The following TTC21A variants were observed in gnomAD, a reference collection of about 807,000 sequenced individuals.
TTC21A encodes tetratricopeptide repeat protein 21A.
TTC21A carries 128 observed loss-of-function variants against 156.4 expected under a neutral mutation model. That is an observed-to-expected ratio of 0.82 (90% CI 0.71 to 0.95). The LOEUF (loss-of-function observed/expected upper bound fraction) is 0.95, where lower values mean the gene tolerates loss of function less well. Among genes scored for constraint, TTC21A ranks in the 40% least tolerant of loss-of-function variants. The pLI, the probability that TTC21A is intolerant of heterozygous loss-of-function variation, is 0.00. For synonymous variants in TTC21A, 587 were observed against 617.1 expected, an observed-to-expected ratio of 0.95 and a Z score of 0.72; for missense variants, 1,435 against 1,602.3, an observed-to-expected ratio of 0.90 and a Z score of 1.78.
chr3:39,122,034 C>T lies in TTC21A; in HGVS notation c.1093+845C>T, dbSNP rs531017969. On this transcript the variant is annotated intron_variant, in intron 9 of 28. Transcript: ENST00000683103. The stretch of plus-strand genomic sequence containing the variant: ...TATCTTTAAAAGGTAATGAGCCAGG[C>T]GTGATGGCTCACGCCTGTAATCCCA... Among the ~76,000 whole-genome samples, 9 of 152,292 alleles carry T rather than the reference C, an allele frequency of 5.9e-5. No homozygotes were observed. The East Asian group carries it at 7.7e-4, about 13-fold the overall frequency.
Position 39,130,890 on chromosome 3 carries a change from C to T in TTC21A, c.2458+51C>T. 1 of 1,610,344 alleles carries T rather than the reference C, an allele frequency of 6.2e-7. No individual in the cohort carries two copies. Among genetic ancestry groups the T allele is most frequent in the Non-Finnish European group, 8.5e-7 (1 of 1,177,188 alleles). ...TAGCATTTGGAGCAGACATACTCCT[C>T]CCCCATTCCCCATTAGCTGAAGTCC... On this transcript the variant is annotated intron_variant, in intron 18 of 28. Transcript: ENST00000683103. This position sits in a 1 kb window ranked among gnomAD's most constrained non-coding sequence, Gnocchi z 4.5.
Position 39,137,672 on chromosome 3 carries a change from G to A in TTC21A, c.3637G>A (p.Ala1213Thr), listed in dbSNP as rs763379418. 33 of 1,613,756 alleles carry A rather than the reference G, an allele frequency of 2.0e-5. No individual in the cohort carries two copies. The Admixed American group carries it at 3.2e-4, about 15-fold the overall frequency. ...IYCQGSKFDL[A>T]LELLRRCVQY... ...CTGCCAGGGCAGCAAGTTCGACCTC[G>A]CCTTAGAACTGCTGCGGCGCTGTGT... is the stretch of plus-strand genomic sequence containing the variant. The change falls in exon 26 of 29, where the codon GCC becomes ACC. Residue 1213 changes from alanine (A) to threonine (T), a missense_variant. By Grantham distance (58) the Ala-to-Thr change is moderately conservative (BLOSUM62 0). Coordinates refer to ENST00000683103, the MANE Select transcript of TTC21A (RefSeq NM_001366900.1).
rs370552590 is a variant in TTC21A, at chr3:39,129,164, C to T, written c.1989C>T (p.Val663=). The T allele has an allele frequency of 4.3e-6, 7 of 1,614,092 alleles. No individual in the cohort carries two copies. The highest frequency in any genetic ancestry group is 5.1e-6 in the Non-Finnish European group (6 of 1,180,054). The change falls in exon 15 of 29, where the codon GTC becomes GTT. Residue 663 remains valine, a synonymous_variant. Transcript: ENST00000683103. ...TCACCATTGCCAACGTGGACTTGGT[C>T]CTGAGCAAGGGCAATGTGGACGTGG... ...NRITIANVDL[V]LSKGNVDVAL... is the part of the protein sequence containing the mutation.
At chr3:39,133,970 A>T (rs1046505647) in intron 20 of TTC21A, among the ~76,000 whole-genome samples, 1 of 152,228 alleles carries the variant, frequency 6.6e-6, no homozygotes, top group African/African-American at 2.4e-5. Context: ...CAGTGAGGCC[A>T]GAGGTGAAGC....
intron 9 of TTC21A, 50 bp downstream of exon 9, chr3:39,121,239 G>C: frequency 6.5e-7 from 1 of 1,543,058 alleles, no homozygotes; most frequent in African/African-American, 1.4e-5. Context: ...GAGCCAAACC[G>C]GGCAGCTTCC....
rs201441559 is a variant in TTC21A at position 39,135,080 on chromosome 3, T to C, written c.2863-13T>C. 8.1e-6 allele frequency: 13 copies of C among 1,613,260 alleles called. No homozygotes were observed. The highest frequency in any genetic ancestry group is 1.0e-5 in the Non-Finnish European group (12 of 1,179,498). ...CTGTTGGGAAATCTGGAGCTTTGTG[T>C]GTTTTCTGATAGTTGATGGCTGACC... On this transcript the variant is annotated splice_polypyrimidine_tract_variant and intron_variant, in intron 21 of 28. Transcript: ENST00000683103.
intron 6 of TTC21A, among the ~76,000 whole-genome samples, chr3:39,115,752 C>G (rs12330189): frequency 6.6e-6 from 1 of 152,116 alleles, no homozygotes; most frequent in Non-Finnish European, 1.5e-5. Context: ...GTCATCTTCA[C>G]TTTTTTCCCA....
rs746323564 is a variant in TTC21A at position 39,114,752 on chromosome 3, TGCACAAA to T, written c.716+11_716+17del. 5.6e-6 allele frequency: 9 copies of T among 1,614,126 alleles called. No homozygotes were observed. The Admixed American group carries it at 1.5e-4, about 27-fold the overall frequency. On this transcript the variant is annotated intron_variant, in intron 6 of 28. Transcript: ENST00000683103. ...TAGAAATGGGACACAGGTGAGCTAC[TGCACAAA>T]TGGGCAGCCAAGGGTGGTAACAGGT... is the stretch of plus-strand genomic sequence containing the variant.
chr3:39,109,894 G>A, intron 2 of TTC21A, 135 bp from the exon 3 acceptor site: 2 of 634,182 alleles, frequency 3.2e-6, no homozygotes, highest in Non-Finnish European at 5.6e-6. Flanking sequence ...AATCTTCAGG[G>A]AACTTGGGTC....
At chr3:39,111,782 A>T (rs1204320587) in intron 4 of TTC21A, among the ~76,000 whole-genome samples, 1 of 152,194 alleles carries the variant, frequency 6.6e-6, no homozygotes, top group Non-Finnish European at 1.5e-5. Flanking sequence ...ATCTAAAGAG[A>T]CTCCTTAGGA....
At chr3:39,113,896 C>T (rs573360835) in intron 5 of TTC21A, among the ~76,000 whole-genome samples, 3 of 152,186 alleles carry the variant, frequency 2.0e-5, no homozygotes, top group African/African-American at 7.2e-5. Context: ...ACGGAATAAT[C>T]CTCTTGTTTT....
Position 39,128,417 on chromosome 3 carries a change from A to C in TTC21A, c.1609A>C (p.Ile537Leu), listed in dbSNP as rs771102216. ...GGATGCCCATCTCCTCATGTGTCAG[A>C]TCTACTTGGCTCAGGGCAACTTTGG... ...SVDAHLLMCQ[I>L]YLAQGNFGMC... The change falls in exon 13 of 29, where the codon ATC becomes CTC. Residue 537 changes from isoleucine to leucine, a missense_variant. Coordinates refer to ENST00000683103, the MANE Select transcript of TTC21A (RefSeq NM_001366900.1). The C allele has an allele frequency of 8.4e-5, 135 of 1,614,044 alleles. No homozygotes were observed. The highest frequency in any genetic ancestry group is 1.1e-4 in the Non-Finnish European group (133 of 1,180,044).
At position 39,110,894 on chromosome 3, in the gene TTC21A, AC is replaced by A; in HGVS notation, c.313del (p.Arg105AlafsTer19). ...QELEYSLKEI[R>X]KTVSGTALYY... ...AGCTTGAGTACAGCCTGAAGGAAAT[AC>A]GCAAGACAGTCAGTGGGACTGCACT... is the stretch of plus-strand genomic sequence containing the variant. On this transcript the variant is annotated frameshift_variant, in exon 4 of 29. Transcript: ENST00000683103. LOFTEE classifies it high-confidence loss of function. 2.5e-6 allele frequency: 4 copies of A among 1,614,050 alleles called. No homozygotes were observed. Among genetic ancestry groups the A allele is most frequent in the Non-Finnish European group, 3.4e-6 (4 of 1,180,024 alleles).
chr3:39,127,690 C>A (rs1209802442), intron 12 of TTC21A, among the ~76,000 whole-genome samples: 1 of 152,190 alleles, frequency 6.6e-6, no homozygotes, highest in Non-Finnish European at 1.5e-5. Flanking sequence ...CTGCTGCTAC[C>A]ACCCTGAAAG....
Position 39,109,901 on chromosome 3 carries a change from G to T in TTC21A, c.158-128G>T, listed in dbSNP as rs2036660772. On this transcript the variant is annotated intron_variant, in intron 2 of 28. Coordinates refer to ENST00000683103, the MANE Select transcript of TTC21A (RefSeq NM_001366900.1). ...AGAGCCCCAATCTTCAGGGAACTTG[G>T]GTCACTGGGGACCTTTCAGACCAGT... The T allele has an allele frequency of 1.2e-5, 8 of 648,780 alleles. No homozygotes were observed. The East Asian group carries it at 2.2e-4, about 18-fold the overall frequency. The allele number at this position is 648,780 out of a possible 1,614,324, so 40.2% of individuals were successfully genotyped here. A position where few individuals can be genotyped will look rare whatever the true frequency, so the allele number is the denominator to read the frequency against.
intron 8 of TTC21A, 113 bp downstream of exon 8, chr3:39,120,133 A>T: frequency 1.4e-6 from 1 of 732,888 alleles, no homozygotes; most frequent in Non-Finnish European, 2.3e-6. Flanking sequence ...TTCTGGCTCA[A>T]ACTTGTCCTT....
intron 9 of TTC21A, among the ~76,000 whole-genome samples, chr3:39,123,497 G>A (rs540262044): frequency 6.6e-6 from 1 of 152,182 alleles, no homozygotes; most frequent in Non-Finnish European, 1.5e-5. Context: ...ACTCCTAGTT[G>A]GATACCCTGC....
chr3:39,118,224 A>G, intron 7 of TTC21A, 71 bp downstream of exon 7: 1 of 1,484,576 alleles, frequency 6.7e-7, no homozygotes, highest in Non-Finnish European at 9.4e-7. Context: ...TGACCTGTGC[A>G]CCTGACCCAA....
At chr3:39,115,651 A>G (rs998093727) in intron 6 of TTC21A, among the ~76,000 whole-genome samples, 4 of 152,220 alleles carry the variant, frequency 2.6e-5, no homozygotes, top group Admixed American at 6.5e-5. Context: ...TGGGTGACAG[A>G]ATGAGACCCT....
Sources: allele counts gnomAD v4.1 joint callset (sites outside exome capture counted in the v4.1 genomes callset), GRCh38; gene constraint gnomAD v4.1.1; non-coding constraint Gnocchi (gnomAD v3.1); transcripts MANE v1.5; gene names NCBI Gene and HGNC (gene_info 2026-07-23, HGNC 2026-07-21).